CUX1: variants seen among roughly 807,000 people sequenced by gnomAD.
CUX1 encodes cut like homeobox 1.
A neutral mutation model predicts 158.8 loss-of-function variants in CUX1; 31 were observed. The ratio of observed to expected loss-of-function variants is 0.20; its 90% confidence interval spans 0.15 to 0.26. The LOEUF (loss-of-function observed/expected upper bound fraction) is 0.26, where lower values mean the gene tolerates loss of function less well. Among genes scored for constraint, CUX1 ranks in the 10% least tolerant of loss-of-function variants. CUX1 has a pLI of 1.00. For missense variants in CUX1, 1,589 were observed against 2,014.6 expected, an observed-to-expected ratio of 0.79 and a Z score of 4.04; for synonymous variants, 879 against 862.1, an observed-to-expected ratio of 1.02 and a Z score of -0.34.
At chr7:101,903,372 C>T (rs10081174) in intron 1 of CUX1, among the ~76,000 whole-genome samples, 1 of 151,870 alleles carries the variant, frequency 6.6e-6, no homozygotes, top group South Asian at 2.1e-4. Context: ...CTGGCTGGGT[C>T]GGGGGAATTA....
chr7:102,074,387 G>C (rs1262089989), intron 4 of CUX1, among the ~76,000 whole-genome samples: 1 of 152,212 alleles, frequency 6.6e-6, no homozygotes, highest in Non-Finnish European at 1.5e-5. Flanking sequence ...AGCGGAGCCA[G>C]AGTCTCACCC....
rs1801417207 is a variant in CUX1, at chr7:102,250,692, C to A, written c.*1650C>A. On this transcript the variant is annotated 3_prime_UTR_variant, in exon 24 of 24. Transcript: ENST00000292535. ...GTTCTTTTTATGCACAGTTTTAGGG[C>A]AGTCTAAGTACAAACTGAAAGTCTA... 9.1e-6 allele frequency: 9 copies of A among 985,288 alleles called. No individual in the cohort carries two copies. The South Asian group carries it at 4.2e-4, about 46-fold the overall frequency. The allele number at this position is 985,288 out of a possible 1,614,324, so 61.0% of individuals were successfully genotyped here.
At chr7:101,827,749 GC>G (rs1341339794) in intron 1 of CUX1, among the ~76,000 whole-genome samples, 3 of 152,166 alleles carry the variant, frequency 2.0e-5, no homozygotes, top group African/African-American at 7.2e-5. Flanking sequence ...AATGAAGTAA[GC>G]TAAAGAAAAT....
At chr7:102,140,063 A>C (rs1021566264) in intron 8 of CUX1, among the ~76,000 whole-genome samples, 1 of 152,150 alleles carries the variant, frequency 6.6e-6, no homozygotes, top group Admixed American at 6.6e-5. Flanking sequence ...AAAGTATTTG[A>C]GGTGGATTTA....
At chr7:102,127,515 G>A (rs1585806026) in intron 8 of CUX1, among the ~76,000 whole-genome samples, 1 of 151,946 alleles carries the variant, frequency 6.6e-6, no homozygotes, top group South Asian at 2.1e-4. Flanking sequence ...AAACTCGTCT[G>A]TTTTTTACCA....
At chr7:102,223,230 C>A (rs1366737068) in intron 20 of CUX1, among the ~76,000 whole-genome samples, 1 of 151,842 alleles carries the variant, frequency 6.6e-6, no homozygotes, top group Non-Finnish European at 1.5e-5. Flanking sequence ...AAGGACCAAC[C>A]TGGGTAACAT....
At chr7:102,017,701 G>T (rs1585291365) in intron 2 of CUX1, among the ~76,000 whole-genome samples, 1 of 152,202 alleles carries the variant, frequency 6.6e-6, no homozygotes, top group East Asian at 1.9e-4. Flanking sequence ...ACAAAAATTA[G>T]CCAGGTATGG....
chr7:102,042,925 GACTAT>G (rs56803101), intron 3 of CUX1, among the ~76,000 whole-genome samples: 28,217 of 151,796 alleles, frequency 0.19, 2,758 homozygotes, highest in African/African-American at 0.25. Context: ...AAGCAGTTAG[GACTAT>G]AGGCTCCTGG....
intron 8 of CUX1, among the ~76,000 whole-genome samples, chr7:102,155,212 C>T (rs542984435): frequency 1.3e-4 from 20 of 152,060 alleles, no homozygotes; most frequent in Non-Finnish European, 2.1e-4. Context: ...TGGAAATACA[C>T]GATAGGTAAC....
chr7:102,167,970 C>T (rs983621802), intron 9 of CUX1, among the ~76,000 whole-genome samples: 17 of 151,606 alleles, frequency 1.1e-4, no homozygotes, highest in African/African-American at 3.6e-4. Flanking sequence ...CCTAGCTACT[C>T]GGGAGGCTGA....
intron 1 of CUX1, among the ~76,000 whole-genome samples, chr7:101,889,492 C>T (rs1032800347): frequency 1.4e-4 from 21 of 152,086 alleles, no homozygotes; most frequent in Middle Eastern, 3.2e-3. Flanking sequence ...TCCAGTGGGC[C>T]GGGTGCAGTG....
chr7:102,121,136 A>C (rs1831985675), intron 8 of CUX1, among the ~76,000 whole-genome samples: 1 of 152,158 alleles, frequency 6.6e-6, no homozygotes, highest in African/African-American at 2.4e-5. Context: ...TCTGCATGGC[A>C]AATGTGGGTG....
intron 2 of CUX1, among the ~76,000 whole-genome samples, chr7:101,956,104 C>T (rs1043944490): frequency 4.9e-5 from 7 of 144,278 alleles, no homozygotes; most frequent in African/African-American, 7.7e-5. Context: ...ATGGCGTGAA[C>T]CCGGGAGGTG....
chr7:101,825,124 G>A (rs1489701530), intron 1 of CUX1, among the ~76,000 whole-genome samples: 1 of 152,156 alleles, frequency 6.6e-6, no homozygotes, highest in Non-Finnish European at 1.5e-5. Context: ...AAAAGAAAAA[G>A]GGCTGGAGTC....
intron 8 of CUX1, among the ~76,000 whole-genome samples, chr7:102,157,307 C>T (rs1180477306): frequency 6.6e-6 from 1 of 151,596 alleles, no homozygotes; most frequent in Non-Finnish European, 1.5e-5. Context: ...AACATTGGCT[C>T]CATGGCCCTT....
At chr7:101,923,549 C>T (rs1470832634) in intron 2 of CUX1, among the ~76,000 whole-genome samples, 1 of 152,188 alleles carries the variant, frequency 6.6e-6, no homozygotes. Context: ...AAAACAGACC[C>T]CGTTGCTCTG....
chr7:102,246,075 T>C (rs1554536776), intron 23 of CUX1, among the ~76,000 whole-genome samples: 1 of 152,174 alleles, frequency 6.6e-6, no homozygotes, highest in East Asian at 1.9e-4. Context: ...GTAAGCACCT[T>C]AGCCAGATAT....
chr7:101,952,253 G>A (rs901947103), intron 2 of CUX1, among the ~76,000 whole-genome samples: 9 of 152,300 alleles, frequency 5.9e-5, no homozygotes, highest in Admixed American at 5.2e-4. Context: ...AGGCGTGGTA[G>A]CATATGCCTG....
chr7:102,030,698 T>TTTTTTTGTTTTGTTTTGTTTTTTG, intron 3 of CUX1, among the ~76,000 whole-genome samples: 1 of 146,114 alleles, frequency 6.8e-6, no homozygotes, highest in Admixed American at 6.9e-5. Context: ...AGTGTTTTTT[T>TTTTTTTGTTTTGTTTTGTTTTTTG]TTTTTGAGAC....
Sources: gnomAD v4.1 joint callset for allele counts (sites outside exome capture counted in the v4.1 genomes callset) on GRCh38, gnomAD v4.1.1 for gene constraint, MANE v1.5 for transcripts, NCBI Gene and HGNC (gene_info 2026-07-23, HGNC 2026-07-21) for gene names.